ARHGAP24: variants seen among roughly 807,000 people sequenced by gnomAD.
ARHGAP24 encodes the protein Rho GTPase activating protein 24.
In ARHGAP24, 50 loss-of-function variants were observed where a neutral mutation model predicts 76.4. The ratio of observed to expected loss-of-function variants is 0.65; its 90% CI spans 0.52 to 0.83. The LOEUF is 0.83. Among genes scored for constraint, ARHGAP24 ranks in the 40% least tolerant of loss-of-function variants. The probability of loss-of-function intolerance (pLI) is 0.00; values close to 1 mark genes in which losing one functional copy is unlikely to be tolerated. For missense variants in ARHGAP24, 930 were observed against 914.2 expected (o/e 1.02, Z -0.22); for synonymous variants, 345 against 323.3 (o/e 1.07, Z -0.72).
At chr4:85,556,147 T>A (rs2101117) in intron 1 of ARHGAP24, among the ~76,000 whole-genome samples, 124,972 of 151,772 alleles carry the variant, frequency 0.82, 53,895 homozygotes, top group East Asian at 0.98. Context: ...AGAGTGGGGG[T>A]TTGAGGGCTC....
intron 1 of ARHGAP24, among the ~76,000 whole-genome samples, chr4:85,551,686 C>A (rs2110129385): frequency 1.3e-5 from 2 of 152,196 alleles, no homozygotes; most frequent in Middle Eastern, 3.4e-3. Context: ...CTTTTTATTA[C>A]CGATTCAATT....
At chr4:85,665,790 G>A (rs977727615) in intron 2 of ARHGAP24, among the ~76,000 whole-genome samples, 1 of 152,124 alleles carries the variant, frequency 6.6e-6, no homozygotes, top group African/African-American at 2.4e-5. Flanking sequence ...AGTTTGGCTG[G>A]ATATGAAATT....
intron 2 of ARHGAP24, among the ~76,000 whole-genome samples, chr4:85,717,645 C>T (rs1439844239): frequency 6.6e-6 from 1 of 152,072 alleles, no homozygotes; most frequent in Non-Finnish European, 1.5e-5. Flanking sequence ...TTATTTCCTC[C>T]ACTTTGAAAG....
rs543243327 is a variant in ARHGAP24, at chr4:85,619,562, A to G, written c.180+48841A>G. On this transcript the variant is annotated intron_variant, in intron 2 of 9. Transcript: ENST00000395184. ...GGCTCTATGGATTGCTTTGGTAGTA[A>G]GGACATTTAATTCTGCCAATCCACA... is the stretch of plus-strand genomic sequence containing the variant. 5.3e-5 allele frequency among the ~76,000 whole-genome samples: 8 copies of G among 151,902 alleles called. No individual in the cohort carries two copies. In the East Asian group the frequency reaches 1.5e-3, roughly 29 times the overall value.
At chr4:85,914,112 T>G (rs1735232893) in intron 3 of ARHGAP24, among the ~76,000 whole-genome samples, 1 of 152,206 alleles carries the variant, frequency 6.6e-6, no homozygotes, top group South Asian at 2.1e-4. Context: ...GCAGAACTAG[T>G]TGCAGGGTTA....
At chr4:85,660,228 G>A (rs997201745) in intron 2 of ARHGAP24, among the ~76,000 whole-genome samples, 2 of 152,044 alleles carry the variant, frequency 1.3e-5, no homozygotes, top group South Asian at 2.1e-4. Flanking sequence ...CTGCCTGCCC[G>A]CCGTGAAGCA....
At chr4:85,730,994 AC>A (rs1725378546) in intron 3 of ARHGAP24, among the ~76,000 whole-genome samples, 1 of 107,470 alleles carries the variant, frequency 9.3e-6, no homozygotes, top group African/African-American at 3.2e-5. Context: ...CTGCACACAC[AC>A]ACACACACAC....
rs343864 is a variant in ARHGAP24 at position 85,722,181 on chromosome 4, G to A, written c.268+209G>A. 0.97 allele frequency: 497,166 copies of A among 515,182 alleles called. 242,110 individuals carry two copies. Among genetic ancestry groups the A allele is most frequent in the East Asian group, 1 (27,856 of 27,856 alleles). 31.9% of individuals were successfully genotyped at this position (515,182 alleles called of 1,614,324 possible). A position where few individuals can be genotyped will look rare whatever the true frequency, so the allele number is the denominator to read the frequency against. On this transcript the variant is annotated intron_variant, in intron 3 of 9. Coordinates refer to ENST00000395184, the MANE Select transcript of ARHGAP24 (RefSeq NM_001025616.3). The stretch of plus-strand genomic sequence containing the variant: ...CACATACTCTGACCACATAACTACT[G>A]GATTTTCATTTGTCCATGAGACTCC...
At chr4:85,584,104 A>G (rs1168762664) in intron 2 of ARHGAP24, among the ~76,000 whole-genome samples, 1 of 151,210 alleles carries the variant, frequency 6.6e-6, no homozygotes, top group African/African-American at 2.4e-5. Flanking sequence ...ATATACCCAA[A>G]GGACTATAAA....
At chr4:85,812,714 C>T (rs532525560) in intron 3 of ARHGAP24, among the ~76,000 whole-genome samples, 71 of 152,320 alleles carry the variant, frequency 4.7e-4, no homozygotes, top group African/African-American at 1.5e-3. Context: ...ACCACAATTA[C>T]TTCACAGGGC....
chr4:85,966,302 G>A (rs1310594563), intron 5 of ARHGAP24, among the ~76,000 whole-genome samples: 1 of 152,076 alleles, frequency 6.6e-6, no homozygotes, highest in Non-Finnish European at 1.5e-5. Flanking sequence ...AGGATAGGAG[G>A]GATATTCAGA....
intron 1 of ARHGAP24, among the ~76,000 whole-genome samples, chr4:85,517,604 C>A (rs6842625): frequency 0.052 from 7,858 of 152,160 alleles, 610 homozygotes; most frequent in African/African-American, 0.17. Flanking sequence ...ACTTGCTTTT[C>A]ATGTTGCCTT....
chr4:85,627,876 C>CGTGGGCGT (rs1242752020), intron 2 of ARHGAP24, among the ~76,000 whole-genome samples: 7 of 152,214 alleles, frequency 4.6e-5, no homozygotes, highest in African/African-American at 1.7e-4. Context: ...CCCTCCGAGC[C>CGTGGGCGT]AGGTGCGGGA....
intron 3 of ARHGAP24, among the ~76,000 whole-genome samples, chr4:85,764,523 C>T (rs1024695993): frequency 6.6e-6 from 1 of 152,046 alleles, no homozygotes; most frequent in Non-Finnish European, 1.5e-5. Flanking sequence ...CTCTTTTAAC[C>T]ACTGAGCTTG....
At chr4:85,577,266 A>T (rs1463348471) in intron 2 of ARHGAP24, among the ~76,000 whole-genome samples, 3 of 150,966 alleles carry the variant, frequency 2.0e-5, no homozygotes, top group Admixed American at 1.3e-4. Context: ...CCCTCAAAAT[A>T]AAGATTTAGA....
intron 1 of ARHGAP24, among the ~76,000 whole-genome samples, chr4:85,524,742 A>G (rs1724914699): frequency 6.6e-6 from 1 of 152,184 alleles, no homozygotes; most frequent in African/African-American, 2.4e-5. Flanking sequence ...GATCAATTTC[A>G]TCTCCCCTCT....
At chr4:85,781,878 A>G (rs1727572627) in intron 3 of ARHGAP24, among the ~76,000 whole-genome samples, 2 of 151,890 alleles carry the variant, frequency 1.3e-5, no homozygotes, top group Admixed American at 1.3e-4. Flanking sequence ...TACTACAAAA[A>G]ATAAAAAAAT....
chr4:85,633,783 G>T (rs1257601030), intron 2 of ARHGAP24, among the ~76,000 whole-genome samples: 1 of 151,828 alleles, frequency 6.6e-6, no homozygotes, highest in Non-Finnish European at 1.5e-5. Context: ...CTTGCTTCCT[G>T]AAATATTTCG....
intron 5 of ARHGAP24, among the ~76,000 whole-genome samples, chr4:85,951,582 T>C (rs1737619616): frequency 6.6e-6 from 1 of 152,132 alleles, no homozygotes; most frequent in South Asian, 2.1e-4. Flanking sequence ...ATGGATCCGT[T>C]TGGGGTCCAT....
Sources: gnomAD v4.1 joint callset for allele counts (sites outside exome capture counted in the v4.1 genomes callset) on GRCh38, gnomAD v4.1.1 for gene constraint, MANE v1.5 for transcripts, NCBI Gene and HGNC (gene_info 2026-07-23, HGNC 2026-07-21) for gene names.